The following GABRB1 variants were observed in gnomAD, a reference collection of about 807,000 sequenced individuals.
The protein encoded by GABRB1 is gamma-aminobutyric acid type A receptor subunit beta1.
A neutral mutation model predicts 51.6 loss-of-function variants in GABRB1; 17 were observed. The observed-to-expected ratio is 0.33, with a 90% CI of 0.23 to 0.49. The LOEUF (loss-of-function observed/expected upper bound fraction) is 0.49. GABRB1 is among the 20% of genes least tolerant of loss of function. The probability of loss-of-function intolerance (pLI) is 0.99; values close to 1 mark genes in which losing one functional copy is unlikely to be tolerated. For synonymous variants in GABRB1, 247 were observed against 218.9 expected (o/e 1.13, Z -1.14); for missense variants, 410 against 600.6 (o/e 0.68, Z 3.32).
chr4:47,171,776 A>G (rs1420882575), intron 4 of GABRB1, among the ~76,000 whole-genome samples: 1 of 152,140 alleles, frequency 6.6e-6, no homozygotes, highest in Non-Finnish European at 1.5e-5. Flanking sequence ...ACTATCGCCT[A>G]TGTAACACAT....
intron 3 of GABRB1, among the ~76,000 whole-genome samples, chr4:47,114,099 C>T (rs929185928): frequency 6.6e-6 from 1 of 152,218 alleles, no homozygotes; most frequent in South Asian, 2.1e-4. Context: ...TTCTGAAATA[C>T]TCTACCACAT....
rs148376560 is a variant in GABRB1 at position 47,264,079 on chromosome 4, C to G, written c.462-56048C>G. Among the ~76,000 whole-genome samples the G allele has an allele frequency of 3.3e-5, 5 of 152,084 alleles. No individual in the cohort carries two copies. In the East Asian group the frequency reaches 9.7e-4, roughly 29 times the overall value. On this transcript the variant is annotated intron_variant, in intron 4 of 8. Transcript: ENST00000295454. ...ATCACTTGAGCCCAGAAGAGGGAGG[C>G]TGTAGTGAGCCGAGTTCACCCCACT...
chr4:47,241,462 A>T lies in GABRB1; in HGVS notation c.462-78665A>T, dbSNP rs149723142. Among the ~76,000 whole-genome samples, 1,152 of 152,294 alleles carry T rather than the reference A, an allele frequency of 7.6e-3. 13 individuals are homozygous for T. Among genetic ancestry groups the T allele is most frequent in the African/African-American group, 0.026 (1,086 of 41,582 alleles). On this transcript the variant is annotated intron_variant, in intron 4 of 8. Coordinates refer to ENST00000295454, the MANE Select transcript of GABRB1 (RefSeq NM_000812.4). ...CCCACTGTGAGATTAGCAGCCTGGC[A>T]CACCATAGACATGTTCTCACCTTGA... is the stretch of plus-strand genomic sequence containing the variant.
intron 5 of GABRB1, among the ~76,000 whole-genome samples, chr4:47,401,699 T>C (rs1372260984): frequency 6.6e-6 from 1 of 152,232 alleles, no homozygotes; most frequent in Non-Finnish European, 1.5e-5. Flanking sequence ...GGGTTGAATA[T>C]AAGCTGTCAT....
At chr4:47,099,976 A>C (rs1714649743) in intron 3 of GABRB1, among the ~76,000 whole-genome samples, 1 of 152,018 alleles carries the variant, frequency 6.6e-6, no homozygotes, top group Admixed American at 6.6e-5. Context: ...TTTACTCTGG[A>C]AACTACATTC....
intron 5 of GABRB1, among the ~76,000 whole-genome samples, chr4:47,337,284 C>T (rs1165166397): frequency 6.6e-6 from 1 of 152,070 alleles, no homozygotes; most frequent in Non-Finnish European, 1.5e-5. Context: ...CTTCATATAA[C>T]TCCAAGGCCT....
At chr4:47,034,093 C>T (rs1344904769) in intron 3 of GABRB1, among the ~76,000 whole-genome samples, 1 of 152,152 alleles carries the variant, frequency 6.6e-6, no homozygotes, top group African/African-American at 2.4e-5. Context: ...CCTTTTCAAT[C>T]ATTTCCTTTG....
chr4:47,165,305 T>A (rs1661317841), intron 4 of GABRB1, among the ~76,000 whole-genome samples: 1 of 152,044 alleles, frequency 6.6e-6, no homozygotes, highest in Admixed American at 6.6e-5. Flanking sequence ...CTCCCCCATT[T>A]TATCTACCTC....
chr4:47,045,719 G>A (rs1483248294), intron 3 of GABRB1, among the ~76,000 whole-genome samples: 1 of 151,966 alleles, frequency 6.6e-6, no homozygotes, highest in Non-Finnish European at 1.5e-5. Context: ...TCATTTATGA[G>A]GGTTTTGCCC....
intron 3 of GABRB1, among the ~76,000 whole-genome samples, chr4:47,157,090 C>T (rs945387188): frequency 6.6e-6 from 1 of 152,124 alleles, no homozygotes; most frequent in Admixed American, 6.6e-5. Flanking sequence ...ATTAGCCCAA[C>T]TAATTTTATT....
intron 4 of GABRB1, among the ~76,000 whole-genome samples, chr4:47,246,382 ATATATATATATAT>A (rs1721760078): frequency 1.2e-4 from 6 of 51,836 alleles, no homozygotes; most frequent in African/African-American, 4.9e-4. Context: ...ATATATATAT[ATATATATATATAT>A]AAAATACCAC....
chr4:47,113,590 GATGGATAC>G (rs1463514298), intron 3 of GABRB1, among the ~76,000 whole-genome samples: 2 of 152,110 alleles, frequency 1.3e-5, no homozygotes, highest in Non-Finnish European at 2.9e-5. Flanking sequence ...AACTTTGAAG[GATGGATAC>G]ATTTTCAACA....
At chr4:47,006,930 G>T (rs1277279871) in intron 1 of GABRB1, among the ~76,000 whole-genome samples, 1 of 152,150 alleles carries the variant, frequency 6.6e-6, no homozygotes, top group Non-Finnish European at 1.5e-5. Flanking sequence ...TGAGGCAGGT[G>T]GATCGCTAGA....
chr4:47,192,070 G>GAAAA (rs1719461161), intron 4 of GABRB1, among the ~76,000 whole-genome samples: 1 of 151,500 alleles, frequency 6.6e-6, no homozygotes. Flanking sequence ...ACCATCCTTG[G>GAAAA]AAAAACAAAA....
intron 3 of GABRB1, among the ~76,000 whole-genome samples, chr4:47,079,422 G>T (rs535338455): frequency 1.4e-4 from 22 of 152,090 alleles, no homozygotes; most frequent in Non-Finnish European, 2.5e-4. Context: ...AGTATTCTCT[G>T]ATGGTAGTTT....
intron 8 of GABRB1, among the ~76,000 whole-genome samples, chr4:47,414,960 C>T (rs1200298203): frequency 1.3e-5 from 2 of 152,192 alleles, no homozygotes; most frequent in Non-Finnish European, 2.9e-5. Context: ...CTATACCTAG[C>T]ATCCAGAATT....
At chr4:47,273,649 T>C (rs1465324874) in intron 4 of GABRB1, among the ~76,000 whole-genome samples, 2 of 151,946 alleles carry the variant, frequency 1.3e-5, no homozygotes, top group South Asian at 4.2e-4. Context: ...TAAATAATAA[T>C]AACAATAAAC....
At chr4:47,300,376 T>C (rs1724211169) in intron 4 of GABRB1, among the ~76,000 whole-genome samples, 1 of 152,274 alleles carries the variant, frequency 6.6e-6, no homozygotes, top group South Asian at 2.1e-4. Flanking sequence ...GTAAAAATTA[T>C]CTTCAAGCTG....
chr4:47,157,722 T>C (rs976717027), intron 3 of GABRB1, among the ~76,000 whole-genome samples: 3 of 152,144 alleles, frequency 2.0e-5, no homozygotes, highest in African/African-American at 7.2e-5. Flanking sequence ...TGTATTTTAG[T>C]CCTTCCATAA....
Sources: gnomAD v4.1 joint callset for allele counts (sites outside exome capture counted in the v4.1 genomes callset) on GRCh38, gnomAD v4.1.1 for gene constraint, MANE v1.5 for transcripts, NCBI Gene and HGNC (gene_info 2026-07-23, HGNC 2026-07-21) for gene names.